The following PARP4 variants were observed in gnomAD, a reference collection of about 807,000 sequenced individuals.
PARP4 encodes the protein protein mono-ADP-ribosyltransferase PARP4.
In PARP4, 120 loss-of-function variants were observed where a neutral mutation model predicts 187.7. The observed-to-expected ratio is 0.64, with a 90% CI of 0.55 to 0.74. The LOEUF (loss-of-function observed/expected upper bound fraction) is 0.74. Ranked by LOEUF, PARP4 falls within the 30% of genes least tolerant of loss-of-function variation. The pLI is 0.00. For synonymous variants in PARP4, 654 were observed against 740.9 expected, an observed-to-expected ratio of 0.88 and a Z score of 1.90; for missense variants, 1,836 against 2,070.5, an observed-to-expected ratio of 0.89 and a Z score of 2.20.
intron 15 of PARP4, among the ~76,000 whole-genome samples, chr13:24,470,978 G>A (rs1185509249): frequency 6.6e-6 from 1 of 152,114 alleles, no homozygotes; most frequent in East Asian, 1.9e-4. Context: ...AGGATTCCTG[G>A]AATCCCGGTC....
At position 24,478,140 on chromosome 13, in the gene PARP4, T is replaced by A; in HGVS notation, c.1585A>T (p.Ser529Cys). The change falls in exon 13 of 34, where the codon AGT (serine) becomes TGT (cysteine). Residue 529 changes from serine (S) to cysteine (C), a missense_variant. Physicochemically the swap from Ser to Cys is moderately radical, Grantham distance 112. Coordinates refer to ENST00000381989, the MANE Select transcript of PARP4 (RefSeq NM_006437.4). ...GCTGTTTGCGAAACTCCATGCACAC[T>A]GTCGTAGCCTGGTGGTGCTTCAGTT... ...SLTEAPPGYD[S>C]VHGVSQTASV... The A allele has an allele frequency of 2.5e-6, 4 of 1,612,278 alleles. No individual in the cohort carries two copies. The highest frequency in any genetic ancestry group is 3.4e-6 in the Non-Finnish European group (4 of 1,179,156).
chr13:24,503,589 T>TG (rs1869431468), intron 2 of PARP4, 56 bp downstream of exon 2: 11 of 1,590,960 alleles, frequency 6.9e-6, no homozygotes, highest in South Asian at 1.1e-5. Context: ...ACCATGACCC[T>TG]GTTCCCTGAA....
chr13:24,463,790 C>T (rs7335957), intron 17 of PARP4, among the ~76,000 whole-genome samples: 77,313 of 151,798 alleles, frequency 0.51, 20,007 homozygotes, highest in South Asian at 0.65. Context: ...TTGGAAGTTC[C>T]GGCCAGGGCA....
At chr13:24,465,721 C>CATTT (rs969374865) in intron 17 of PARP4, among the ~76,000 whole-genome samples, 2 of 151,722 alleles carry the variant, frequency 1.3e-5, no homozygotes, top group Non-Finnish European at 2.9e-5. Context: ...CCATGGCACA[C>CATTT]ATTTGCCTAT....
chr13:24,442,590 C>T lies in PARP4; in HGVS notation c.3543G>A (p.Arg1181=), dbSNP rs776639950. 3 of 1,470,598 alleles carry T rather than the reference C, an allele frequency of 2.0e-6. No individual in the cohort carries two copies. The South Asian group carries it at 3.4e-5, about 17-fold the overall frequency. The allele number at this position is 1,470,598 out of a possible 1,614,324, so 91.1% of individuals were successfully genotyped here. Residue 1181 remains arginine, a splice_region_variant and synonymous_variant, in exon 29 of 34, where the codon AGG becomes AGA. Coordinates refer to ENST00000381989, the MANE Select transcript of PARP4 (RefSeq NM_006437.4). ...QFTSFVAVEK[R]DENESPFPDI... ...ACCTCGAATTACCAATAATACATAC[C>T]CTTTTCTCAACTGCCACAAAGCTTG...
Position 24,434,808 on chromosome 13 carries a change from G to A in PARP4, c.4333C>T (p.Pro1445Ser), listed in dbSNP as rs1272681010. ...GACCCAAAACCTCTGATGGGATCAG[G>A]GTCTGTAGGAAGAGAGAAATGAAGC... ...PQLHFSLPTDPDPIRGFGSYH... is the reference protein window; with the variant it reads ...PQLHFSLPTDSDPIRGFGSYH... Residue 1445 changes from proline to serine, a missense_variant, in exon 31 of 34, where the codon CCT becomes TCT. Physicochemically the swap from Pro to Ser is moderately conservative, Grantham distance 74. Coordinates refer to ENST00000381989, the MANE Select transcript of PARP4 (RefSeq NM_006437.4). 1.7e-5 allele frequency: 28 copies of A among 1,612,736 alleles called. No homozygotes were observed. The highest frequency in any genetic ancestry group is 3.3e-5 in the Admixed American group (2 of 59,892).
rs182098399 is a variant in PARP4, at chr13:24,500,383, C to G, written c.335-1G>C. ...GGGCATAGACCTTCTGTTTTCACTT[C>G]TAGAATTAAAAGCAAACAGCACACT... On this transcript the variant is annotated splice_acceptor_variant, in intron 3 of 33. Coordinates refer to ENST00000381989, the MANE Select transcript of PARP4 (RefSeq NM_006437.4). LOFTEE classifies it high-confidence loss of function. The G allele has an allele frequency of 1.9e-4, 309 of 1,597,200 alleles. 1 individual carries two copies. The East Asian group carries it at 7.0e-3, about 36-fold the overall frequency.
intron 2 of PARP4, among the ~76,000 whole-genome samples, chr13:24,502,671 A>T (rs187416514): frequency 4.6e-5 from 7 of 152,272 alleles, no homozygotes; most frequent in Admixed American, 1.3e-4. Flanking sequence ...TTGCACTCAC[A>T]GTATGTGACT....
chr13:24,484,806 G>C (rs1873468647), intron 11 of PARP4, 58 bp from the exon 12 acceptor site: 1 of 1,209,706 alleles, frequency 8.3e-7, no homozygotes, highest in African/African-American at 1.5e-5. Context: ...TCTCTTCCTT[G>C]CTCAGAATTT....
rs564895676 is a variant in PARP4, at chr13:24,504,279, A to G, written c.-1-502T>C. Reference sequence around the variant, plus strand: ...TTAAATGGAATATGTATGTGTGTGTATACACATATATATTCTGCATTTAGG... The same window carrying G: ...TTAAATGGAATATGTATGTGTGTGTGTACACATATATATTCTGCATTTAGG... On this transcript the variant is annotated intron_variant, in intron 1 of 33. Coordinates refer to ENST00000381989, the MANE Select transcript of PARP4 (RefSeq NM_006437.4). Among the ~76,000 whole-genome samples, 53 of 148,426 alleles carry G rather than the reference A, an allele frequency of 3.6e-4. 1 individual carries two copies. Among genetic ancestry groups the G allele is most frequent in the African/African-American group, 1.2e-3 (47 of 40,366 alleles).
chr13:24,448,456 G>GAAAA (rs35479674), intron 25 of PARP4, among the ~76,000 whole-genome samples: 3 of 148,556 alleles, frequency 2.0e-5, no homozygotes, highest in Non-Finnish European at 1.5e-5. Flanking sequence ...AATCAATAAG[G>GAAAA]AAAAAAAAAA....
chr13:24,456,335 G>C lies in PARP4; in HGVS notation c.2562+6C>G. 6.2e-7 allele frequency: 1 copy of C among 1,603,804 alleles called. No homozygotes were observed. Among genetic ancestry groups the C allele is most frequent in the Non-Finnish European group, 8.5e-7 (1 of 1,172,502 alleles). The stretch of plus-strand genomic sequence containing the variant: ...GTCTCCTATGTCTAAGTAAAAAGGA[G>C]TATACCTCGCTTTCTTTTTCTGGAT... On this transcript the variant is annotated splice_donor_region_variant and intron_variant, in intron 21 of 33. Transcript: ENST00000381989.
intron 17 of PARP4, among the ~76,000 whole-genome samples, chr13:24,460,441 C>CGTGGGCTCTGCTGCATGG (rs1872155820): frequency 1.3e-5 from 2 of 149,132 alleles, no homozygotes; most frequent in African/African-American, 5.0e-5. Flanking sequence ...TCTCTGCACA[C>CGTGGGCTCTGCTGCATGG]GTGGGCTCTG....
chr13:24,423,361 C>A (rs1217828125), intron 33 of PARP4, among the ~76,000 whole-genome samples: 1 of 151,866 alleles, frequency 6.6e-6, no homozygotes, highest in African/African-American at 2.4e-5. Context: ...GCCAACATGG[C>A]GAAACCTCAT....
chr13:24,427,046 T>C (rs929557707), intron 32 of PARP4, among the ~76,000 whole-genome samples: 1 of 152,154 alleles, frequency 6.6e-6, no homozygotes, highest in Non-Finnish European at 1.5e-5. Context: ...TATGATATTA[T>C]CCTGATCATT....
intron 27 of PARP4, among the ~76,000 whole-genome samples, chr13:24,444,370 C>G (rs1871103748): frequency 6.6e-6 from 1 of 152,306 alleles, no homozygotes; most frequent in Admixed American, 6.5e-5. Context: ...TCTCCCTTAT[C>G]AGTACCCACA....
intron 17 of PARP4, among the ~76,000 whole-genome samples, chr13:24,464,696 A>C (rs1304056349): frequency 6.6e-6 from 1 of 152,222 alleles, no homozygotes; most frequent in African/African-American, 2.4e-5. Flanking sequence ...TAAAAACTCT[A>C]GAAGAAAATC....
intron 33 of PARP4, among the ~76,000 whole-genome samples, chr13:24,423,708 C>T (rs530708050): frequency 8.4e-4 from 128 of 151,786 alleles, no homozygotes; most frequent in African/African-American, 2.9e-3. Context: ...GACAGGGTCT[C>T]GCTTTGTTGC....
intron 17 of PARP4, among the ~76,000 whole-genome samples, chr13:24,462,033 G>C (rs553040630): frequency 3.9e-5 from 6 of 152,264 alleles, no homozygotes; most frequent in Admixed American, 3.9e-4. Context: ...GCAGAATTTG[G>C]CTGCCACTAA....
Sources: allele counts gnomAD v4.1 joint callset (sites outside exome capture counted in the v4.1 genomes callset), GRCh38; gene constraint gnomAD v4.1.1; transcripts MANE v1.5; gene names NCBI Gene and HGNC (gene_info 2026-07-23, HGNC 2026-07-21).